Variants in LRRIQ1 observed in about 807,000 individuals in gnomAD.
LRRIQ1 encodes the protein leucine-rich repeat- and IQ domain-containing protein 1.
LRRIQ1 carries 210 observed loss-of-function variants against 211.9 expected under a neutral mutation model. That is an observed-to-expected ratio of 0.99 (90% confidence interval 0.89 to 1.11). LRRIQ1 has a LOEUF of 1.11. LRRIQ1 is among the 50% of genes most tolerant of loss of function. The pLI is 0.00. For synonymous variants in LRRIQ1, 699 were observed against 650.1 expected (o/e 1.08, Z -1.14); for missense variants, 2,136 against 1,939.5 (o/e 1.10, Z -1.90).
At chr12:85,118,616 A>G (rs772474045) in intron 15 of LRRIQ1, among the ~76,000 whole-genome samples, 2 of 151,884 alleles carry the variant, frequency 1.3e-5, no homozygotes, top group South Asian at 2.1e-4. Context: ...ACAGAGATAC[A>G]TTATTACTTT....
At chr12:85,161,712 G>A (rs1485383500) in intron 24 of LRRIQ1, among the ~76,000 whole-genome samples, 1 of 152,064 alleles carries the variant, frequency 6.6e-6, no homozygotes. Context: ...AGTATGTAGG[G>A]GTAGAAGTCA....
At chr12:85,123,537 TTC>T (rs1888137589) in intron 16 of LRRIQ1, among the ~76,000 whole-genome samples, 1 of 152,148 alleles carries the variant, frequency 6.6e-6, no homozygotes, top group Non-Finnish European at 1.5e-5. Context: ...CCAATCATTG[TTC>T]AAGAGAATCT....
At chr12:85,241,233 A>T (rs890218959) in intron 26 of LRRIQ1, among the ~76,000 whole-genome samples, 1 of 151,976 alleles carries the variant, frequency 6.6e-6, no homozygotes, top group African/African-American at 2.4e-5. Context: ...TTAAACTTCT[A>T]TGGGAGTTGA....
chr12:85,195,772 G>T (rs949035847), intron 24 of LRRIQ1, among the ~76,000 whole-genome samples: 1 of 152,058 alleles, frequency 6.6e-6, no homozygotes, highest in Admixed American at 6.6e-5. Flanking sequence ...GCACAAGACA[G>T]GGATGCCCTC....
intron 19 of LRRIQ1, among the ~76,000 whole-genome samples, chr12:85,147,494 C>T (rs1263360790): frequency 1.3e-5 from 2 of 151,702 alleles, no homozygotes; most frequent in African/African-American, 4.8e-5. Flanking sequence ...TTTGAGGGCC[C>T]AAGTCATGGT....
At chr12:85,046,305 T>G (rs1187007878) in intron 5 of LRRIQ1, among the ~76,000 whole-genome samples, 168 bp downstream of exon 5, 4 of 152,208 alleles carry the variant, frequency 2.6e-5, no homozygotes, top group South Asian at 2.1e-4. Context: ...ATCATCATAC[T>G]TTTATGCCTT....
At chr12:85,068,283 C>G (rs1463512642) in intron 10 of LRRIQ1, among the ~76,000 whole-genome samples, 1 of 151,770 alleles carries the variant, frequency 6.6e-6, no homozygotes, top group Non-Finnish European at 1.5e-5. Flanking sequence ...ACTGAAATAT[C>G]AGAGTAGAAA....
intron 11 of LRRIQ1, among the ~76,000 whole-genome samples, chr12:85,086,648 C>T (rs1231681424): frequency 1.3e-5 from 2 of 150,806 alleles, no homozygotes; most frequent in East Asian, 1.9e-4. Context: ...CACCCTCCTC[C>T]GAAGGAGGTT....
intron 15 of LRRIQ1, among the ~76,000 whole-genome samples, chr12:85,112,568 G>A (rs1367589027): frequency 7.5e-6 from 1 of 132,646 alleles, no homozygotes; most frequent in Non-Finnish European, 1.7e-5. Flanking sequence ...GGGTACTGGG[G>A]ATTCTGTAGT....
intron 24 of LRRIQ1, among the ~76,000 whole-genome samples, chr12:85,197,980 T>C (rs1893046688): frequency 9.6e-6 from 1 of 104,400 alleles, no homozygotes; most frequent in South Asian, 2.4e-4. Context: ...ATATATATAA[T>C]TATATTATAT....
At chr12:85,044,294 A>G (rs1375819392) in intron 3 of LRRIQ1, among the ~76,000 whole-genome samples, 1 of 152,062 alleles carries the variant, frequency 6.6e-6, no homozygotes, top group African/African-American at 2.4e-5. Context: ...CTTCATTTAC[A>G]TGGTAATAAT....
chr12:85,061,378 A>G (rs935118892), intron 8 of LRRIQ1, among the ~76,000 whole-genome samples: 2 of 151,752 alleles, frequency 1.3e-5, no homozygotes, highest in African/African-American at 2.4e-5. Flanking sequence ...CTATATTGCT[A>G]TACTATAAAG....
intron 15 of LRRIQ1, among the ~76,000 whole-genome samples, chr12:85,114,696 T>A (rs1387844167): frequency 6.6e-6 from 1 of 152,076 alleles, no homozygotes; most frequent in Non-Finnish European, 1.5e-5. Flanking sequence ...GAAAAATGAT[T>A]TGGCTATAAT....
chr12:85,242,729 TTAAC>T (rs1247824505), intron 26 of LRRIQ1, among the ~76,000 whole-genome samples: 3 of 151,908 alleles, frequency 2.0e-5, no homozygotes, highest in African/African-American at 4.8e-5. Context: ...TGAAAGACAT[TTAAC>T]TAGCCCATTT....
intron 1 of LRRIQ1, among the ~76,000 whole-genome samples, chr12:85,251,798 A>AGAGG (rs1895952877): frequency 6.6e-6 from 1 of 150,940 alleles, no homozygotes; most frequent in Admixed American, 6.6e-5. Context: ...AAACAGATAT[A>AGAGG]GAGGAGATCA....
At chr12:85,079,380 T>C (rs986015750) in intron 11 of LRRIQ1, among the ~76,000 whole-genome samples, 5 of 149,316 alleles carry the variant, frequency 3.3e-5, no homozygotes, top group African/African-American at 9.9e-5. Flanking sequence ...CTCACCACCA[T>C]GCCCGGCTAA....
At chr12:85,160,572 C>A in intron 23 of LRRIQ1, 41 bp from the exon 24 acceptor site, 1 of 1,273,836 alleles carries the variant, frequency 7.9e-7, no homozygotes, top group Non-Finnish European at 1.1e-6. Flanking sequence ...AAGGAATTAA[C>A]CAAAGATGAA....
intron 17 of LRRIQ1, among the ~76,000 whole-genome samples, chr12:85,127,163 CT>C (rs1296721281): frequency 1.3e-5 from 2 of 152,202 alleles, no homozygotes; most frequent in African/African-American, 4.8e-5. Flanking sequence ...TGACAATCCA[CT>C]TTTATAATCA....
intron 14 of LRRIQ1, among the ~76,000 whole-genome samples, chr12:85,105,729 A>T (rs530455191): frequency 2.0e-5 from 3 of 148,832 alleles, no homozygotes; most frequent in South Asian, 2.1e-4. Context: ...TTTTTAAATA[A>T]TTTTTTTCCT....
Sources: gnomAD v4.1 joint callset for allele counts (sites outside exome capture counted in the v4.1 genomes callset) on GRCh38, gnomAD v4.1.1 for gene constraint, MANE v1.5 for transcripts, NCBI Gene and HGNC (gene_info 2026-07-23, HGNC 2026-07-21) for gene names.